BCR: variants seen among roughly 807,000 people sequenced by gnomAD.
BCR encodes the protein BCR activator of RhoGEF and GTPase.
Under a neutral mutation model 138.6 loss-of-function variants are expected in BCR, and 58 were observed. The observed-to-expected ratio is 0.42, with a 90% confidence interval of 0.34 to 0.52. The LOEUF (loss-of-function observed/expected upper bound fraction) is 0.52. BCR is among the 20% of genes least tolerant of loss of function. The probability of loss-of-function intolerance (pLI) is 0.06; values close to 1 mark genes in which losing one functional copy is unlikely to be tolerated. For synonymous variants in BCR, 786 were observed against 730.1 expected (o/e 1.08, Z -1.23); for missense variants, 1,599 against 1,727.2 (o/e 0.93, Z 1.32).
intron 8 of BCR, chr22:23,283,171 AG>A (rs1407151439): frequency 6.6e-6 from 1 of 152,304 alleles, no homozygotes; most frequent in African/African-American, 2.4e-5. Flanking sequence ...ATGCCCATTC[AG>A]CAGCCCCTTG....
Position 23,261,453 on chromosome 22 carries a change from G to C in BCR, c.1665G>C (p.Glu555Asp). ...TIFFKVPELY[E>D]IHKEFYDGLF... ...TCTTCAAAGTGCCTGAGCTCTACGA[G>C]ATCCACAAGGAGTTCTATGATGGGC... Residue 555 changes from glutamate to aspartate, a missense_variant, in exon 4 of 23, where the codon GAG (glutamate) becomes GAC (aspartate). By Grantham distance (45) the Glu-to-Asp change is conservative (BLOSUM62 2). Around this residue, in one of 4 missense-constraint regions of BCR, gnomAD observed 590 missense variants for 762.4 expected, o/e 0.77. Coordinates refer to ENST00000305877, the MANE Select transcript of BCR (RefSeq NM_004327.4). 6.2e-7 allele frequency: 1 copy of C among 1,613,872 alleles called. No homozygotes were observed. Among genetic ancestry groups the C allele is most frequent in the Non-Finnish European group, 8.5e-7 (1 of 1,180,026 alleles).
chr22:23,302,788 A>C (rs2073916916), intron 16 of BCR: 1 of 152,258 alleles, frequency 6.6e-6, no homozygotes, highest in East Asian at 1.9e-4. Flanking sequence ...TCCAGGGACC[A>C]GGGCAGCCGC....
chr22:23,261,746 T>C (rs982231149), intron 4 of BCR: 27 of 356,970 alleles, frequency 7.6e-5, no homozygotes, highest in African/African-American at 5.0e-4. Flanking sequence ...TTTTTTTTTT[T>C]CTAATTTATA....
chr22:23,206,937 TCATTCCTCCCTC>T lies in BCR; in HGVS notation c.1279+24700_1279+24711del, dbSNP rs1310859103. Among the ~76,000 whole-genome samples the T allele has an allele frequency of 2.6e-3, 131 of 50,536 alleles. 1 individual carries two copies. The highest frequency in any genetic ancestry group is 0.015 in the East Asian group (15 of 998). The allele number at this position is 50,536 out of a possible 152,430, so 33.2% of individuals were successfully genotyped here. The stretch of plus-strand genomic sequence containing the variant: ...ATCTATTCATCCCTCTGTCATCCAT[TCATTCCTCCCTC>T]CCTCCCTCCCTCCCTCCCTCCCTCC... On this transcript the variant is annotated intron_variant, in intron 1 of 22. Coordinates refer to ENST00000305877, the MANE Select transcript of BCR (RefSeq NM_004327.4).
intron 16 of BCR, among the ~76,000 whole-genome samples, chr22:23,296,258 C>T (rs1380478903): frequency 6.6e-6 from 1 of 151,618 alleles, no homozygotes; most frequent in Non-Finnish European, 1.5e-5. Flanking sequence ...CCTGTAGTCC[C>T]AGCTACTCGG....
chr22:23,283,677 C>T (rs916009490), intron 8 of BCR: 1 of 326,760 alleles, frequency 3.1e-6, no homozygotes, highest in Non-Finnish European at 5.6e-6. Context: ...TTCAGACCCA[C>T]ACCCATTACC....
intron 8 of BCR, among the ~76,000 whole-genome samples, chr22:23,277,883 A>C (rs2073597484): frequency 6.6e-6 from 1 of 152,156 alleles, no homozygotes; most frequent in Non-Finnish European, 1.5e-5. Flanking sequence ...GGTGGCCGGC[A>C]GGTGCTCCAG....
chr22:23,268,656 C>T (rs1297477589), intron 5 of BCR, 141 bp downstream of exon 5: 3 of 791,334 alleles, frequency 3.8e-6, no homozygotes, highest in African/African-American at 1.7e-5. Context: ...TTCGTTGCGT[C>T]AGCCCTGTGC....
chr22:23,287,279 G>GCT lies in BCR; in HGVS notation c.2526+1_2526+2insCT. On this transcript the variant is annotated splice_donor_variant, in intron 11 of 22. Transcript: ENST00000305877. LOFTEE classifies it high-confidence loss of function. ...CAGGGTGCACAGCCGCAACGGCAAG[G>GCT]TGAGCGCCTGCTGTTCCGGCCCCTC... The GCT allele has an allele frequency of 6.5e-7, 1 of 1,541,376 alleles. No individual in the cohort carries two copies. The highest frequency in any genetic ancestry group is 2.4e-5 in the East Asian group (1 of 41,054).
chr22:23,265,001 A>G (rs1025110045), intron 4 of BCR: 2 of 152,192 alleles, frequency 1.3e-5, no homozygotes, highest in Non-Finnish European at 2.9e-5. Context: ...AAAAAAGAAA[A>G]AAAACCTAGT....
At chr22:23,266,556 A>G (rs2073443679) in intron 4 of BCR, among the ~76,000 whole-genome samples, 1 of 150,452 alleles carries the variant, frequency 6.6e-6, no homozygotes. Context: ...CGCCCGTCTA[A>G]TTTTTGTATT....
intron 11 of BCR, among the ~76,000 whole-genome samples, chr22:23,287,689 G>GT (rs969365649): frequency 2.6e-5 from 4 of 152,234 alleles, no homozygotes; most frequent in Non-Finnish European, 5.9e-5. Context: ...AGAATGGCTT[G>GT]TTTTCTAGCC....
chr22:23,213,015 T>C (rs942541160), intron 1 of BCR, among the ~76,000 whole-genome samples: 3 of 152,180 alleles, frequency 2.0e-5, no homozygotes, highest in Non-Finnish European at 4.4e-5. Flanking sequence ...GGGCATTCTC[T>C]CTAATTTGGG....
chr22:23,258,997 C>T (rs2073327052), intron 2 of BCR, among the ~76,000 whole-genome samples: 3 of 152,210 alleles, frequency 2.0e-5, no homozygotes, highest in Admixed American at 6.5e-5. Context: ...TGGGCACAGG[C>T]GGAACAAAGG....
chr22:23,302,619 C>G (rs1226734843), intron 16 of BCR: 1 of 152,378 alleles, frequency 6.6e-6, no homozygotes, highest in Non-Finnish European at 1.5e-5. Flanking sequence ...GAGTCATGCA[C>G]ATCCTCTCTC....
intron 1 of BCR, among the ~76,000 whole-genome samples, chr22:23,202,988 G>A (rs2072573859): frequency 6.6e-6 from 1 of 152,068 alleles, no homozygotes; most frequent in Admixed American, 6.6e-5. Context: ...CTCCTGAGTA[G>A]CTGGGACTAC....
At chr22:23,240,620 C>G (rs972026445) in intron 1 of BCR, among the ~76,000 whole-genome samples, 21 of 151,760 alleles carry the variant, frequency 1.4e-4, no homozygotes, top group African/African-American at 5.1e-4. Context: ...CACTTGCACT[C>G]CAGCCTGGGT....
chr22:23,211,775 G>T (rs1949938750), intron 1 of BCR, among the ~76,000 whole-genome samples: 1 of 152,200 alleles, frequency 6.6e-6, no homozygotes, highest in East Asian at 1.9e-4. Flanking sequence ...CTCCCAGAGT[G>T]CTGGGATTAT....
chr22:23,234,043 A>T (rs1358423278), intron 1 of BCR, among the ~76,000 whole-genome samples: 1 of 152,080 alleles, frequency 6.6e-6, no homozygotes, highest in Non-Finnish European at 1.5e-5. Context: ...CCCCAGGCCG[A>T]GTCCTCTGGG....
Sources: allele counts gnomAD v4.1 joint callset (sites outside exome capture counted in the v4.1 genomes callset), GRCh38; gene constraint gnomAD v4.1.1; regional missense constraint gnomAD v4.1.1; transcripts MANE v1.5; gene names NCBI Gene and HGNC (gene_info 2026-07-23, HGNC 2026-07-21).